The following UMAD1 variants were observed in gnomAD, a reference collection of about 807,000 sequenced individuals.
The protein encoded by UMAD1 is UBAP1-MVB12-associated (UMA) domain containing 1.
In UMAD1, 8 loss-of-function variants were observed where a neutral mutation model predicts 6.1. The observed-to-expected ratio is 1.30, with a 90% CI of 0.76 to 2.35. The LOEUF (loss-of-function observed/expected upper bound fraction) is 2.35, where lower values mean the gene tolerates loss of function less well. Ranked by LOEUF, UMAD1 falls within the 30% of genes most tolerant of loss-of-function variation. The pLI is 0.00. For missense variants in UMAD1, 130 were observed against 78.4 expected, an observed-to-expected ratio of 1.66 and a Z score of -2.49; for synonymous variants, 56 against 31.4, an observed-to-expected ratio of 1.78 and a Z score of -2.61.
At chr7:7,659,453 T>A (rs1313050836) in intron 1 of UMAD1, among the ~76,000 whole-genome samples, 1 of 152,202 alleles carries the variant, frequency 6.6e-6, no homozygotes, top group African/African-American at 2.4e-5. Flanking sequence ...GTGCTATAAA[T>A]TTTCCTCTAA....
rs1279261202 is a variant in UMAD1, at chr7:7,830,012, C to G, written c.156+28269C>G. Among the ~76,000 whole-genome samples, 1 of 152,196 alleles carries G rather than the reference C, an allele frequency of 6.6e-6. No homozygotes were observed. The highest frequency in any genetic ancestry group is 1.5e-5 in the Non-Finnish European group (1 of 68,024). On this transcript the variant is annotated intron_variant, in intron 3 of 3. Coordinates refer to ENST00000682710, the MANE Select transcript of UMAD1 (RefSeq NM_001302348.2). This position sits in a 1 kb window ranked among gnomAD's most constrained non-coding sequence, Gnocchi z 5.3. ...ACTACAGAGTCTTCCGACAAACCTT[C>G]TTCCTTCTGACTTTTGCCTTTCTGG...
chr7:7,664,742 TC>T (rs1383783712), intron 1 of UMAD1, among the ~76,000 whole-genome samples: 1 of 152,240 alleles, frequency 6.6e-6, no homozygotes, highest in African/African-American at 2.4e-5. Flanking sequence ...TTTTATGCTT[TC>T]TAGCGTTGTT....
At chr7:7,853,616 C>A (rs930138318) in intron 3 of UMAD1, among the ~76,000 whole-genome samples, 2 of 151,884 alleles carry the variant, frequency 1.3e-5, no homozygotes, top group Admixed American at 1.3e-4. Flanking sequence ...ATTGTTCATT[C>A]CAAGTATATA....
rs1337681113 is a variant in UMAD1 at position 7,642,440 on chromosome 7, T to C, written c.-64+1619T>C. 3.3e-5 allele frequency among the ~76,000 whole-genome samples: 5 copies of C among 149,456 alleles called. No homozygotes were observed. The Admixed American group carries it at 3.4e-4, about 10-fold the overall frequency. ...TCCCAAAGTACTGGAATTACAGGTGTGAGCCTTGGTGCGTACCCTGTAATA... is the reference window on the plus strand; with the variant it reads ...TCCCAAAGTACTGGAATTACAGGTGCGAGCCTTGGTGCGTACCCTGTAATA... On this transcript the variant is annotated intron_variant, in intron 1 of 3. Transcript: ENST00000682710.
At chr7:7,856,286 A>G (rs965124466) in intron 3 of UMAD1, among the ~76,000 whole-genome samples, 12 of 152,374 alleles carry the variant, frequency 7.9e-5, no homozygotes, top group Middle Eastern at 6.8e-3. Context: ...TAAAGAAAAG[A>G]GGTTTAATTG....
intron 1 of UMAD1, among the ~76,000 whole-genome samples, chr7:7,655,599 C>T (rs550781506): frequency 1.3e-5 from 2 of 152,182 alleles, no homozygotes; most frequent in South Asian, 4.2e-4. Flanking sequence ...TTTAAATTCT[C>T]AGTTGGCTGA....
At chr7:7,738,960 G>A (rs1781410853) in intron 2 of UMAD1, 1 of 152,124 alleles carries the variant, frequency 6.6e-6, no homozygotes, top group African/African-American at 2.4e-5. Context: ...CTCAGCACAG[G>A]GAATGAAATC....
intron 2 of UMAD1, among the ~76,000 whole-genome samples, chr7:7,789,617 T>TCCCCCCCCCCCCC (rs201727587): frequency 3.0e-5 from 3 of 101,042 alleles, no homozygotes; most frequent in African/African-American, 1.1e-4. Context: ...AAATACCCCT[T>TCCCCCCCCCCCCC]CTCCCCTCCC....
intron 1 of UMAD1, chr7:7,641,161 C>G (rs1357315343): frequency 6.6e-6 from 1 of 152,294 alleles, no homozygotes. Flanking sequence ...ACTCTACTTT[C>G]TCCACTTTCT....
chr7:7,839,667 A>G (rs897333996), intron 3 of UMAD1, among the ~76,000 whole-genome samples: 2 of 152,216 alleles, frequency 1.3e-5, no homozygotes, highest in Non-Finnish European at 2.9e-5. Context: ...AAGGAAGAAG[A>G]GAAGGTAGTT....
intron 2 of UMAD1, among the ~76,000 whole-genome samples, chr7:7,697,500 AAT>A (rs1780349771): frequency 6.6e-6 from 1 of 152,220 alleles, no homozygotes; most frequent in Non-Finnish European, 1.5e-5. Context: ...TTCATTTTGA[AAT>A]ATGATTGTGG....
intron 2 of UMAD1, among the ~76,000 whole-genome samples, chr7:7,763,167 A>G (rs1296168155): frequency 6.6e-6 from 1 of 152,360 alleles, no homozygotes; most frequent in Admixed American, 6.5e-5. Flanking sequence ...TATTTAAAAT[A>G]TTAAATATGG....
At chr7:7,718,093 A>G (rs1404191908) in intron 2 of UMAD1, among the ~76,000 whole-genome samples, 2 of 152,218 alleles carry the variant, frequency 1.3e-5, no homozygotes, top group African/African-American at 4.8e-5. Flanking sequence ...TTAACTTCAC[A>G]TTGTTGTATA....
At chr7:7,647,468 C>T (rs1785122667) in intron 1 of UMAD1, among the ~76,000 whole-genome samples, 1 of 152,130 alleles carries the variant, frequency 6.6e-6, no homozygotes, top group Non-Finnish European at 1.5e-5. Context: ...TTGTTGGATC[C>T]AGTGTGTAAA....
intron 2 of UMAD1, among the ~76,000 whole-genome samples, chr7:7,795,606 T>C (rs902117690): frequency 1.3e-5 from 2 of 152,226 alleles, no homozygotes; most frequent in Non-Finnish European, 2.9e-5. Flanking sequence ...TTTATGGTTA[T>C]TTATTGATTA....
At chr7:7,681,598 A>T (rs955278978) in intron 2 of UMAD1, among the ~76,000 whole-genome samples, 1 of 152,182 alleles carries the variant, frequency 6.6e-6, no homozygotes, top group African/African-American at 2.4e-5. Flanking sequence ...CTATTCCTTC[A>T]TTCAGTAATG....
chr7:7,671,978 C>A (rs1279515053), intron 1 of UMAD1, among the ~76,000 whole-genome samples: 1 of 152,056 alleles, frequency 6.6e-6, no homozygotes, highest in South Asian at 2.1e-4. Flanking sequence ...TTCTAGCAAC[C>A]AATAGATTCC....
intron 3 of UMAD1, among the ~76,000 whole-genome samples, chr7:7,847,563 C>T (rs1783828953): frequency 6.6e-6 from 1 of 152,012 alleles, no homozygotes; most frequent in Non-Finnish European, 1.5e-5. Context: ...CCCTCTTCAT[C>T]CCTACTGCCC....
intron 3 of UMAD1, among the ~76,000 whole-genome samples, chr7:7,843,405 A>G (rs966155976): frequency 6.6e-6 from 1 of 152,186 alleles, no homozygotes; most frequent in Non-Finnish European, 1.5e-5. Context: ...TTAAAGTGAA[A>G]GATTGTTAGA....
Sources: gnomAD v4.1 joint callset for allele counts (sites outside exome capture counted in the v4.1 genomes callset) on GRCh38, gnomAD v4.1.1 for gene constraint, Gnocchi (gnomAD v3.1) non-coding constraint, MANE v1.5 for transcripts, NCBI Gene and HGNC (gene_info 2026-07-23, HGNC 2026-07-21) for gene names.